The following SCHIP1 variants were observed in gnomAD, a reference collection of about 807,000 sequenced individuals.
SCHIP1 encodes the protein schwannomin interacting protein 1.
A neutral mutation model predicts 29.7 loss-of-function variants in SCHIP1; 8 were observed. The ratio of observed to expected loss-of-function variants is 0.27; its 90% CI spans 0.16 to 0.49. The LOEUF (loss-of-function observed/expected upper bound fraction) is 0.49, where lower values mean the gene tolerates loss of function less well. SCHIP1 is among the 20% of genes least tolerant of loss of function. The pLI, the probability that SCHIP1 is intolerant of heterozygous loss-of-function variation, is 0.99. For missense variants in SCHIP1, 193 were observed against 294.6 expected, an observed-to-expected ratio of 0.66 and a Z score of 2.52; for synonymous variants, 76 against 94.9, an observed-to-expected ratio of 0.80 and a Z score of 1.16.
At chr3:159,413,189 G>T in the SCHIP1 span, among the ~76,000 whole-genome samples, 1 of 152,148 alleles carries the variant, frequency 6.6e-6, no homozygotes, top group Non-Finnish European at 1.5e-5. Context: ...ACCTGGTTCT[G>T]CCCTTGATAC....
At chr3:159,484,700 C>G in the SCHIP1 span, among the ~76,000 whole-genome samples, 2 of 152,062 alleles carry the variant, frequency 1.3e-5, no homozygotes, top group African/African-American at 4.8e-5. Context: ...CCTGCATAAA[C>G]AGTTGCCTAG....
chr3:159,516,182 A>C, the SCHIP1 span, among the ~76,000 whole-genome samples: 7 of 152,036 alleles, frequency 4.6e-5, no homozygotes, highest in Non-Finnish European at 1.5e-5. Context: ...TTTATTTCTT[A>C]TAAGTGATAA....
At chr3:159,447,922 T>A in the SCHIP1 span, among the ~76,000 whole-genome samples, 1 of 152,132 alleles carries the variant, frequency 6.6e-6, no homozygotes, top group Admixed American at 6.6e-5. Flanking sequence ...AGGTTACCCG[T>A]CCCTTAAGGG....
At chr3:159,576,089 A>C in the SCHIP1 span, among the ~76,000 whole-genome samples, 1 of 152,310 alleles carries the variant, frequency 6.6e-6, no homozygotes, top group East Asian at 1.9e-4. Context: ...ATATATTTTC[A>C]AAAAGCTAGA....
chr3:159,384,347 TC>T, the SCHIP1 span, among the ~76,000 whole-genome samples: 1 of 152,106 alleles, frequency 6.6e-6, no homozygotes, highest in Non-Finnish European at 1.5e-5. Flanking sequence ...AAAGGCCTTT[TC>T]TGCATCTATT....
chr3:159,881,401 A>C (rs33051), intron 2 of SCHIP1, among the ~76,000 whole-genome samples: 48,975 of 152,086 alleles, frequency 0.32, 9,420 homozygotes, highest in East Asian at 0.9. Flanking sequence ...GGGGATATTG[A>C]GTAATGAATG....
At chr3:159,548,461 GCTCT>G in the SCHIP1 span, among the ~76,000 whole-genome samples, 8 of 151,308 alleles carry the variant, frequency 5.3e-5, no homozygotes, top group Non-Finnish European at 8.9e-5. Flanking sequence ...GGTCATATCG[GCTCT>G]CTCTCTCATT....
chr3:159,772,461 G>C, the SCHIP1 span, among the ~76,000 whole-genome samples: 1 of 152,026 alleles, frequency 6.6e-6, no homozygotes, highest in Non-Finnish European at 1.5e-5. Context: ...CTTTTATCTT[G>C]AATTCTCTCT....
the SCHIP1 span, among the ~76,000 whole-genome samples, chr3:159,288,184 T>C: frequency 2.3e-4 from 35 of 152,338 alleles, no homozygotes; most frequent in African/African-American, 5.3e-4. Flanking sequence ...GGACAGTCTA[T>C]GTGCAGGCTG....
chr3:159,450,430 T>C, the SCHIP1 span, among the ~76,000 whole-genome samples: 1 of 152,234 alleles, frequency 6.6e-6, no homozygotes, highest in Non-Finnish European at 1.5e-5. Context: ...CAATAAGCAA[T>C]GGCTCCACTC....
the SCHIP1 span, among the ~76,000 whole-genome samples, chr3:159,308,730 C>A: frequency 0.17 from 25,829 of 152,122 alleles, 2,482 homozygotes; most frequent in Middle Eastern, 0.28. Context: ...TATTGCAGTG[C>A]TATTTACACT....
the SCHIP1 span, among the ~76,000 whole-genome samples, chr3:159,715,461 A>G: frequency 6.6e-6 from 1 of 151,278 alleles, no homozygotes; most frequent in Non-Finnish European, 1.5e-5. Flanking sequence ...TCTGAGCTAA[A>G]GGAGGATATT....
the SCHIP1 span, among the ~76,000 whole-genome samples, chr3:159,454,960 CA>C: frequency 2.0e-5 from 3 of 152,226 alleles, no homozygotes; most frequent in East Asian, 1.9e-4. Flanking sequence ...TTGTGACTCA[CA>C]AAAATGTTTT....
chr3:159,891,426 G>A (rs1717535091), intron 5 of SCHIP1, among the ~76,000 whole-genome samples: 1 of 151,954 alleles, frequency 6.6e-6, no homozygotes, highest in South Asian at 2.1e-4. Flanking sequence ...GCGAGGGAGG[G>A]AGGGAAGAAA....
At chr3:159,729,544 A>G in the SCHIP1 span, among the ~76,000 whole-genome samples, 2 of 152,222 alleles carry the variant, frequency 1.3e-5, no homozygotes, top group African/African-American at 2.4e-5. Flanking sequence ...ACTTTCCTGT[A>G]TAAAAACAAG....
chr3:159,358,687 A>C, the SCHIP1 span, among the ~76,000 whole-genome samples: 1,162 of 152,278 alleles, frequency 7.6e-3, 6 homozygotes, highest in African/African-American at 0.017. Context: ...TGTGCCAAAA[A>C]CAAAACACAG....
the SCHIP1 span, among the ~76,000 whole-genome samples, chr3:159,781,222 C>A: frequency 6.6e-6 from 1 of 152,132 alleles, no homozygotes; most frequent in Admixed American, 6.6e-5. Context: ...GTTGCCCAGG[C>A]TGGAGTGCAA....
chr3:159,497,299 T>C, the SCHIP1 span, among the ~76,000 whole-genome samples: 1 of 151,866 alleles, frequency 6.6e-6, no homozygotes, highest in African/African-American at 2.4e-5. Flanking sequence ...GCATGCTAAC[T>C]CCTTCATATT....
chr3:159,723,215 C>T, the SCHIP1 span, among the ~76,000 whole-genome samples: 4 of 152,150 alleles, frequency 2.6e-5, no homozygotes, highest in Non-Finnish European at 4.4e-5. Context: ...AATACTTATA[C>T]ATGTTAACTG....
Sources: allele counts gnomAD v4.1 joint callset (sites outside exome capture counted in the v4.1 genomes callset), GRCh38; gene constraint gnomAD v4.1.1; transcripts MANE v1.5; gene names NCBI Gene and HGNC (gene_info 2026-07-23, HGNC 2026-07-21).